EPB41L4A: variants seen among roughly 807,000 people sequenced by gnomAD.
The protein encoded by EPB41L4A is band 4.1-like protein 4A.
A neutral mutation model predicts 108.6 loss-of-function variants in EPB41L4A; 100 were observed. The ratio of observed to expected loss-of-function variants is 0.92; its 90% CI spans 0.78 to 1.09. The LOEUF (loss-of-function observed/expected upper bound fraction) is 1.09. EPB41L4A is among the 50% of genes least tolerant of loss of function. The pLI is 0.00. For missense variants in EPB41L4A, 1,030 were observed against 842.7 expected, an observed-to-expected ratio of 1.22 and a Z score of -2.75; for synonymous variants, 319 against 289.0, an observed-to-expected ratio of 1.10 and a Z score of -1.05.
At chr5:112,328,399 A>G (rs1181668850) in intron 1 of EPB41L4A, among the ~76,000 whole-genome samples, 1 of 90,774 alleles carries the variant, frequency 1.1e-5, no homozygotes, top group African/African-American at 1.0e-4. Context: ...ATTATTACAA[A>G]TAAAGATCTG....
chr5:112,226,707 CAG>C, intron 12 of EPB41L4A, among the ~76,000 whole-genome samples: 1 of 150,220 alleles, frequency 6.7e-6, no homozygotes, highest in East Asian at 2.0e-4. Flanking sequence ...AAAAAAAAAT[CAG>C]AGAAGAAAAA....
At position 112,419,228 on chromosome 5, in the gene EPB41L4A, G is replaced by C. The variant is rs538070633; in HGVS notation, c.-189C>G. 1.1e-5 allele frequency: 5 copies of C among 462,486 alleles called. No individual in the cohort carries two copies. Among genetic ancestry groups the C allele is most frequent in the Non-Finnish European group, 1.5e-5 (4 of 261,868 alleles). The allele number at this position is 462,486 out of a possible 1,614,324, so 28.6% of individuals were successfully genotyped here. A position where few individuals can be genotyped will look rare whatever the true frequency, so the allele number is the denominator to read the frequency against. Reference sequence around the variant, plus strand: ...GGGCGGGAGCGAGAAAGGCGGAAAAGCCCGGGAGAGTCAGCGCCCGGGAGC... The same window carrying C: ...GGGCGGGAGCGAGAAAGGCGGAAAACCCCGGGAGAGTCAGCGCCCGGGAGC... On this transcript the variant is annotated 5_prime_UTR_variant, in exon 1 of 23. Transcript: ENST00000261486.
chr5:112,370,127 C>T (rs1242599733), intron 1 of EPB41L4A, among the ~76,000 whole-genome samples: 1 of 152,006 alleles, frequency 6.6e-6, no homozygotes, highest in Admixed American at 6.5e-5. Flanking sequence ...CGGGCACAAG[C>T]AATCTTCTTG....
exon 14 of EPB41L4A, chr5:112,142,442 A>T (rs1205227082): frequency 6.6e-6 from 1 of 151,964 alleles, no homozygotes; most frequent in East Asian, 1.9e-4. Flanking sequence ...CTACAAGATG[A>T]AAATATGAAC....
chr5:112,247,061 T>C (rs1201361607), intron 9 of EPB41L4A, among the ~76,000 whole-genome samples: 1 of 152,230 alleles, frequency 6.6e-6, no homozygotes, highest in Non-Finnish European at 1.5e-5. Context: ...TGTAAAAATA[T>C]TCTATGATGT....
upstream of EPB41L4A, chr5:112,419,401 G>A (rs1308146679): frequency 2.2e-5 from 8 of 358,618 alleles, no homozygotes; most frequent in South Asian, 1.5e-4. Flanking sequence ...GGGGGCAAGA[G>A]ACCAGAAAAA....
chr5:112,338,139 A>G (rs1382587412), intron 1 of EPB41L4A, among the ~76,000 whole-genome samples: 1 of 152,152 alleles, frequency 6.6e-6, no homozygotes, highest in South Asian at 2.1e-4. Flanking sequence ...GCCTTAAAAA[A>G]TATGCCCATG....
At chr5:112,233,248 A>G (rs1749086198) in intron 12 of EPB41L4A, among the ~76,000 whole-genome samples, 1 of 152,242 alleles carries the variant, frequency 6.6e-6, no homozygotes, top group Admixed American at 6.5e-5. Flanking sequence ...TAATTTGTTC[A>G]GGAAACTGAC....
At chr5:112,329,031 C>T (rs975166250) in intron 1 of EPB41L4A, among the ~76,000 whole-genome samples, 1 of 152,180 alleles carries the variant, frequency 6.6e-6, no homozygotes, top group African/African-American at 2.4e-5. Flanking sequence ...GTGTGTTTAA[C>T]CAGCCCTTAA....
chr5:112,377,647 C>T (rs1759901587), intron 1 of EPB41L4A, among the ~76,000 whole-genome samples: 1 of 152,056 alleles, frequency 6.6e-6, no homozygotes, highest in Non-Finnish European at 1.5e-5. Flanking sequence ...CCATGGCGAC[C>T]CTCAACATAA....
chr5:112,337,277 T>C (rs147126357), intron 1 of EPB41L4A, among the ~76,000 whole-genome samples: 48 of 152,326 alleles, frequency 3.2e-4, no homozygotes, highest in African/African-American at 1.1e-3. Flanking sequence ...AACCCATCTG[T>C]TATAGTCAGC....
intron 12 of EPB41L4A, among the ~76,000 whole-genome samples, chr5:112,223,145 G>A (rs1207229311): frequency 1.3e-5 from 2 of 151,822 alleles, no homozygotes; most frequent in South Asian, 2.1e-4. Context: ...TCGTCATGTT[G>A]GCCAGGCTGG....
chr5:112,279,041 G>C (rs1387592992), intron 3 of EPB41L4A, among the ~76,000 whole-genome samples: 1 of 146,722 alleles, frequency 6.8e-6, no homozygotes, highest in East Asian at 2.0e-4. Flanking sequence ...CTCCAGCCTG[G>C]GTGCCAGAGC....
Position 112,189,493 on chromosome 5 carries a change from T to C in EPB41L4A, c.1502+5075A>G, listed in dbSNP as rs140433133. 7.7e-4 allele frequency among the ~76,000 whole-genome samples: 118 copies of C among 152,290 alleles called. 2 individuals are homozygous for C. The highest frequency in any genetic ancestry group is 6.0e-3 in the Admixed American group (92 of 15,296). ...ATGTACATATATATGTACACAAACA[T>C]GCAGCCTGACACTGACGTACATGAC... On this transcript the variant is annotated intron_variant, in intron 17 of 22. Coordinates refer to ENST00000261486, the MANE Select transcript of EPB41L4A (RefSeq NM_022140.5).
chr5:112,185,863 A>G (rs1761401466), intron 17 of EPB41L4A, among the ~76,000 whole-genome samples: 1 of 152,172 alleles, frequency 6.6e-6, no homozygotes, highest in Non-Finnish European at 1.5e-5. Flanking sequence ...ACACACACAC[A>G]TTTTTGTAGC....
At chr5:112,262,770 AT>A (rs1213350794) in intron 6 of EPB41L4A, among the ~76,000 whole-genome samples, 189 bp from the exon 7 acceptor site, 8 of 152,252 alleles carry the variant, frequency 5.3e-5, no homozygotes, top group African/African-American at 1.9e-4. Context: ...AGTGATACTT[AT>A]ATTAATTTCA....
chr5:112,208,769 C>A (rs1762589826), intron 13 of EPB41L4A, among the ~76,000 whole-genome samples: 1 of 152,186 alleles, frequency 6.6e-6, no homozygotes, highest in Admixed American at 6.5e-5. Flanking sequence ...TGTACTCCTT[C>A]TGCACATTCT....
At position 112,408,713 on chromosome 5, in the gene EPB41L4A, AAAAAAG is replaced by A. The variant is rs1383039613; in HGVS notation, c.99+10222_99+10227del. Reference sequence around the variant, plus strand: ...AAAAAAAAAAAAAAAAAAAAAAAAAAAAAAAGGGCCAGTAAGCACAAGAAAAGATGC... The same window carrying A: ...AAAAAAAAAAAAAAAAAAAAAAAAAAGGCCAGTAAGCACAAGAAAAGATGC... On this transcript the variant is annotated intron_variant, in intron 1 of 22. Transcript: ENST00000261486. Among the ~76,000 whole-genome samples, 34 of 57,916 alleles carry A rather than the reference AAAAAAG, an allele frequency of 5.9e-4. 12 individuals are homozygous for A. The highest frequency in any genetic ancestry group is 1.9e-3 in the East Asian group (4 of 2,078). The allele number at this position is 57,916 out of a possible 152,430, so 38.0% of individuals were successfully genotyped here.
intron 2 of EPB41L4A, among the ~76,000 whole-genome samples, chr5:112,305,610 T>A (rs796205545): frequency 2.6e-5 from 4 of 152,242 alleles, no homozygotes; most frequent in African/African-American, 9.6e-5. Context: ...GTTACCAAGA[T>A]GAAGTACAAA....
Sources: gnomAD v4.1 joint callset for allele counts (sites outside exome capture counted in the v4.1 genomes callset) on GRCh38, gnomAD v4.1.1 for gene constraint, MANE v1.5 for transcripts, NCBI Gene and HGNC (gene_info 2026-07-23, HGNC 2026-07-21) for gene names.